The following NF2 variants were observed in gnomAD, a reference collection of about 807,000 sequenced individuals.
NF2 encodes merlin.
In NF2, 8 loss-of-function variants were observed where a neutral mutation model predicts 83.7. That is an observed-to-expected ratio of 0.10 (90% CI 0.06 to 0.17). NF2 has a LOEUF of 0.17. Among genes scored for constraint, NF2 ranks in the 10% least tolerant of loss-of-function variants. The probability of loss-of-function intolerance (pLI) is 1.00; values close to 1 mark genes in which losing one functional copy is unlikely to be tolerated. For synonymous variants in NF2, 266 were observed against 269.6 expected, an observed-to-expected ratio of 0.99 and a Z score of 0.13; for missense variants, 533 against 744.4, an observed-to-expected ratio of 0.72 and a Z score of 3.31.
chr22:29,654,364 T>C (rs1190963552), intron 4 of NF2, among the ~76,000 whole-genome samples: 2 of 152,240 alleles, frequency 1.3e-5, no homozygotes, highest in African/African-American at 2.4e-5. Flanking sequence ...GTTTTGGAAG[T>C]GACTGCTTTC....
intron 10 of NF2, 88 bp from the exon 11 acceptor site, chr22:29,671,738 G>T (rs935738085): frequency 6.3e-7 from 1 of 1,589,648 alleles, no homozygotes; most frequent in Non-Finnish European, 8.6e-7. Flanking sequence ...CAAAAGGGGA[G>T]ACTGGAGATG....
intron 1 of NF2, among the ~76,000 whole-genome samples, chr22:29,622,739 T>A (rs2065247765): frequency 7.8e-6 from 1 of 128,218 alleles, no homozygotes; most frequent in Non-Finnish European, 1.6e-5. Context: ...CACTGCAACC[T>A]CCACCTCCCG....
rs1428852906 is a variant in NF2, at chr22:29,695,304, C to T, written c.*502C>T. The T allele has an allele frequency of 3.6e-6, 1 of 275,486 alleles. No individual in the cohort carries two copies. Among genetic ancestry groups the T allele is most frequent in the African/African-American group, 2.1e-5 (1 of 47,310 alleles). 17.1% of individuals were successfully genotyped at this position (275,486 alleles called of 1,614,324 possible). A position where few individuals can be genotyped will look rare whatever the true frequency, so the allele number is the denominator to read the frequency against. On this transcript the variant is annotated 3_prime_UTR_variant, in exon 16 of 16. Transcript: ENST00000338641. The surrounding 1 kb of genome is among the most constrained non-coding windows in gnomAD (Gnocchi z 5.4). ...GGCGGATCCCAGGCCAGCACGCCTG[C>T]CGGCTTCTCATCGTCAGGGAGCCCG...
At chr22:29,649,565 AAAC>A (rs1373264686) in intron 4 of NF2, among the ~76,000 whole-genome samples, 2 of 152,084 alleles carry the variant, frequency 1.3e-5, no homozygotes, top group East Asian at 3.8e-4. Flanking sequence ...AAACAAAACA[AAAC>A]AAAACAAAAG....
intron 6 of NF2, among the ~76,000 whole-genome samples, chr22:29,657,352 T>G (rs1000875251): frequency 1.3e-5 from 2 of 152,254 alleles, no homozygotes; most frequent in African/African-American, 2.4e-5. Flanking sequence ...TTAAAAATTA[T>G]TTATTCATTC....
intron 1 of NF2, among the ~76,000 whole-genome samples, chr22:29,628,359 A>G (rs2065422708): frequency 1.3e-5 from 2 of 152,178 alleles, no homozygotes; most frequent in Admixed American, 1.3e-4. Context: ...AGAAAGGTCT[A>G]GTTACAAATA....
Position 29,681,565 on chromosome 22 carries a change from CAG to C in NF2, c.1702_1703del (p.Arg568GlyfsTer10), listed in dbSNP as rs755032702. 1.2e-6 allele frequency: 2 copies of C among 1,614,026 alleles called. No individual in the cohort carries two copies. Among genetic ancestry groups the C allele is most frequent in the Non-Finnish European group, 1.7e-6 (2 of 1,180,042 alleles). Reference protein sequence around the residue: ...LDILHNENSDRGGSSKHNTIK... With the variant: ...LDILHNENSDXGGSSKHNTIK... ...ATATTCTGCACAATGAGAACTCCGA[CAG>C]GGGTGGCAGCAGCAAGCACAATACC... On this transcript the variant is annotated frameshift_variant, in exon 15 of 16. Transcript: ENST00000338641. LOFTEE classifies it high-confidence loss of function.
intron 4 of NF2, among the ~76,000 whole-genome samples, chr22:29,644,327 GC>G (rs1238124940): frequency 6.6e-6 from 1 of 151,516 alleles, no homozygotes; most frequent in Non-Finnish European, 1.5e-5. Context: ...ACGATGGGCG[GC>G]CGGGCAGAGA....
At chr22:29,641,306 G>C (rs1221236927) in intron 3 of NF2, among the ~76,000 whole-genome samples, 1 of 152,140 alleles carries the variant, frequency 6.6e-6, no homozygotes, top group Non-Finnish European at 1.5e-5. Context: ...TTTTGTGTTT[G>C]AACGTAAACA....
At chr22:29,677,474 T>C (rs1385546290) in intron 13 of NF2, among the ~76,000 whole-genome samples, 1 of 151,250 alleles carries the variant, frequency 6.6e-6, no homozygotes, top group African/African-American at 2.4e-5. Flanking sequence ...CCTCTTTAGA[T>C]GACCCTTTGT....
At chr22:29,678,366 G>A (rs1341743826) in intron 14 of NF2, 43 bp downstream of exon 14, 1 of 1,609,514 alleles carries the variant, frequency 6.2e-7, no homozygotes, top group East Asian at 2.2e-5. Flanking sequence ...CTGTGAACTA[G>A]ACTGAGTGAT....
At chr22:29,648,628 A>ATTTTCT (rs1026410900) in intron 4 of NF2, among the ~76,000 whole-genome samples, 2 of 152,044 alleles carry the variant, frequency 1.3e-5, no homozygotes, top group Admixed American at 6.6e-5. Context: ...GACCCACTTC[A>ATTTTCT]TTTTCTTTTT....
intron 7 of NF2, among the ~76,000 whole-genome samples, chr22:29,658,649 C>T (rs1471627577): frequency 7.2e-6 from 1 of 139,120 alleles, no homozygotes; most frequent in Non-Finnish European, 1.6e-5. Flanking sequence ...CCACCCCAGG[C>T]ACTAGTAGAG....
chr22:29,635,256 A>G (rs896774382), intron 1 of NF2, among the ~76,000 whole-genome samples: 2 of 152,206 alleles, frequency 1.3e-5, no homozygotes, highest in Non-Finnish European at 2.9e-5. Context: ...GGTTTTAGCA[A>G]AAACCAATCA....
At chr22:29,675,964 G>A (rs1353259672) in intron 13 of NF2, among the ~76,000 whole-genome samples, 1 of 152,042 alleles carries the variant, frequency 6.6e-6, no homozygotes, top group Non-Finnish European at 1.5e-5. Flanking sequence ...CCGGTTCTCC[G>A]TTACTGTGTA....
At position 29,604,024 on chromosome 22, in the gene NF2, T is replaced by G; in HGVS notation, c.26T>G (p.Met9Arg). The G allele has an allele frequency of 6.3e-7, 1 of 1,597,348 alleles. No individual in the cohort carries two copies. The highest frequency in any genetic ancestry group is 8.5e-7 in the Non-Finnish European group (1 of 1,172,210). The change falls in exon 1 of 16, where the codon ATG (methionine) becomes AGG (arginine). Residue 9 changes from methionine to arginine, a missense_variant. Met to Arg is a moderately conservative substitution (Grantham distance 91, BLOSUM62 -1). Around this residue, in one of 3 missense-constraint regions of NF2, gnomAD observed 326 missense variants for 475.1 expected, o/e 0.69. Coordinates refer to ENST00000338641, the MANE Select transcript of NF2 (RefSeq NM_000268.4). MAGAIASRMSFSSLKRKQP... is the reference protein window; with the variant it reads MAGAIASRRSFSSLKRKQP... ...ATGGCCGGGGCCATCGCTTCCCGCATGAGCTTCAGCTCTCTCAAGAGGAAG... is the reference window on the plus strand; with the variant it reads ...ATGGCCGGGGCCATCGCTTCCCGCAGGAGCTTCAGCTCTCTCAAGAGGAAG...
Position 29,695,410 on chromosome 22 carries a change from A to T in NF2, c.*608A>T. 3.8e-6 allele frequency: 1 copy of T among 262,272 alleles called. No homozygotes were observed. The highest frequency in any genetic ancestry group is 5.2e-5 in the East Asian group (1 of 19,064). The allele number at this position is 262,272 out of a possible 1,614,324, so 16.2% of individuals were successfully genotyped here. ...CTCTGGCTGGCAGCTGGTGGGGAAT[A>T]GGCAGGGCAGCTGTGGCTGGGGAGA... On this transcript the variant is annotated 3_prime_UTR_variant, in exon 16 of 16. Coordinates refer to ENST00000338641, the MANE Select transcript of NF2 (RefSeq NM_000268.4). The surrounding 1 kb of genome is among the most constrained non-coding windows in gnomAD (Gnocchi z 5.4).
intron 7 of NF2, among the ~76,000 whole-genome samples, chr22:29,658,563 G>A (rs981263932): frequency 6.6e-6 from 1 of 152,082 alleles, no homozygotes; most frequent in Admixed American, 6.6e-5. Context: ...GGCTCTGTGA[G>A]ATCTCCGTCC....
intron 1 of NF2, among the ~76,000 whole-genome samples, chr22:29,627,673 C>T (rs1467552374): frequency 3.3e-5 from 5 of 152,200 alleles, no homozygotes; most frequent in East Asian, 3.9e-4. Context: ...TGCACTTCAG[C>T]GGGAAAGATG....
Sources: allele counts gnomAD v4.1 joint callset (sites outside exome capture counted in the v4.1 genomes callset), GRCh38; gene constraint gnomAD v4.1.1; regional missense constraint gnomAD v4.1.1; non-coding constraint Gnocchi (gnomAD v3.1); transcripts MANE v1.5; gene names NCBI Gene and HGNC (gene_info 2026-07-23, HGNC 2026-07-21).